Variants in DOCK8 observed in about 807,000 individuals in gnomAD.
DOCK8 encodes the protein dedicator of cytokinesis 8.
DOCK8 carries 141 observed loss-of-function variants against 245.6 expected under a neutral mutation model. The ratio of observed to expected loss-of-function variants is 0.57; its 90% CI spans 0.50 to 0.66. The LOEUF is 0.66. Ranked by LOEUF, DOCK8 falls within the 30% of genes least tolerant of loss-of-function variation. DOCK8 has a pLI of 0.00. For missense variants in DOCK8, 2,965 were observed against 2,603.4 expected (o/e 1.14, Z -3.02); for synonymous variants, 1,168 against 970.2 (o/e 1.20, Z -3.79).
rs189714000 is a variant in DOCK8 at position 426,240 on chromosome 9, C to A, written c.4242-645C>A. On this transcript the variant is annotated intron_variant, in intron 33 of 47. Transcript: ENST00000432829. ...CGAGCACCAGGCAATTTCCCATTCCCTAGTGGGCAATGACCAGTAATGTCC... is the reference window on the plus strand; with the variant it reads ...CGAGCACCAGGCAATTTCCCATTCCATAGTGGGCAATGACCAGTAATGTCC... 9.2e-5 allele frequency among the ~76,000 whole-genome samples: 14 copies of A among 152,318 alleles called. No individual in the cohort carries two copies. The East Asian group carries it at 2.7e-3, about 29-fold the overall frequency.
At chr9:272,769 A>G (rs935518413) in intron 2 of DOCK8, 6 of 152,128 alleles carry the variant, frequency 3.9e-5, no homozygotes, top group Admixed American at 3.9e-4. Context: ...GAGTGTGCCT[A>G]TATGTGTTAT....
At chr9:312,751 C>T in intron 6 of DOCK8, 2 of 324,530 alleles carry the variant, frequency 6.2e-6, no homozygotes, top group South Asian at 5.3e-5. Context: ...CCTGTGGTCA[C>T]TGCCTGAGGC....
intron 1 of DOCK8, among the ~76,000 whole-genome samples, chr9:264,125 C>T (rs2047983823): frequency 6.6e-6 from 1 of 152,208 alleles, no homozygotes. Context: ...TTTCTTTAAA[C>T]ACAAGACACT....
At chr9:405,194 C>G in intron 27 of DOCK8, 121 bp downstream of exon 27, 1 of 1,022,934 alleles carries the variant, frequency 9.8e-7, no homozygotes. Context: ...TCAAACAATT[C>G]AAACCAGATC....
chr9:446,573 C>G lies in DOCK8; in HGVS notation c.5784C>G (p.Ile1928Met). 1 of 1,614,194 alleles carries G rather than the reference C, an allele frequency of 6.2e-7. No homozygotes were observed. The highest frequency in any genetic ancestry group is 1.1e-5 in the South Asian group (1 of 91,086). ...VLTTMHAFPY[I>M]KTRISVIQKE... is the part of the protein sequence containing the mutation. ...CCACTATGCACGCCTTCCCCTACATCAAGACCAGGATCAGCGTCATCCAGA... is the reference window on the plus strand; with the variant it reads ...CCACTATGCACGCCTTCCCCTACATGAAGACCAGGATCAGCGTCATCCAGA... The change falls in exon 44 of 48, where the codon ATC (isoleucine) becomes ATG (methionine). Residue 1928 changes from isoleucine to methionine, a missense_variant. Coordinates refer to ENST00000432829, the MANE Select transcript of DOCK8 (RefSeq NM_203447.4).
intron 6 of DOCK8, among the ~76,000 whole-genome samples, chr9:313,199 A>G (rs1563911596): frequency 6.6e-6 from 1 of 152,234 alleles, no homozygotes; most frequent in Non-Finnish European, 1.5e-5. Flanking sequence ...CTCACCATCT[A>G]GCACCTTCCT....
intron 1 of DOCK8, among the ~76,000 whole-genome samples, chr9:227,028 A>G (rs2047004894): frequency 6.6e-6 from 1 of 152,222 alleles, no homozygotes. Context: ...GGAGAGAACC[A>G]GAAGGACATA....
At chr9:392,269 C>T (rs753065873) in intron 24 of DOCK8, among the ~76,000 whole-genome samples, 12 of 151,748 alleles carry the variant, frequency 7.9e-5, no homozygotes, top group Non-Finnish European at 1.6e-4. Flanking sequence ...GAACAAAGGG[C>T]AAAGGAAACA....
At chr9:448,387 T>C (rs1428446532) in intron 44 of DOCK8, among the ~76,000 whole-genome samples, 2 of 152,204 alleles carry the variant, frequency 1.3e-5, no homozygotes, top group Admixed American at 1.3e-4. Flanking sequence ...GGATTACAAG[T>C]GTGAGCCACT....
chr9:236,243 C>A (rs2047245281), intron 1 of DOCK8, among the ~76,000 whole-genome samples: 1 of 152,010 alleles, frequency 6.6e-6, no homozygotes, highest in Non-Finnish European at 1.5e-5. Context: ...GTATTGGAGA[C>A]AGGAAGAAGA....
intron 45 of DOCK8, 55 bp downstream of exon 45, chr9:449,982 T>C: frequency 6.3e-7 from 1 of 1,588,724 alleles, no homozygotes; most frequent in Middle Eastern, 2.0e-4. Flanking sequence ...AGGTTGTCAT[T>C]ATACGTCTGC....
intron 1 of DOCK8, among the ~76,000 whole-genome samples, chr9:218,934 A>T (rs2046823812): frequency 6.6e-6 from 1 of 152,184 alleles, no homozygotes. Flanking sequence ...CGTTTTACAG[A>T]TGGAGAAACT....
chr9:351,144 G>A lies in DOCK8; in HGVS notation c.1679+10823G>A, dbSNP rs969220330. Among the ~76,000 whole-genome samples, 5 of 152,154 alleles carry A rather than the reference G, an allele frequency of 3.3e-5. No homozygotes were observed. In the East Asian group the frequency reaches 7.7e-4, roughly 23 times the overall value. On this transcript the variant is annotated intron_variant, in intron 14 of 47. Coordinates refer to ENST00000432829, the MANE Select transcript of DOCK8 (RefSeq NM_203447.4). The stretch of plus-strand genomic sequence containing the variant: ...TCCTGATAGGTCCTGGTAGGGTCGG[G>A]GTTCCACCGGGATTTGCCTAGTATG...
chr9:306,955 C>G (rs1248893729), intron 5 of DOCK8, among the ~76,000 whole-genome samples: 1 of 152,152 alleles, frequency 6.6e-6, no homozygotes, highest in Admixed American at 6.5e-5. Context: ...ACTCACGCCT[C>G]ACAGGAGGAG....
intron 1 of DOCK8, among the ~76,000 whole-genome samples, chr9:260,579 A>G (rs1342665408): frequency 6.6e-6 from 1 of 152,214 alleles, no homozygotes; most frequent in East Asian, 1.9e-4. Context: ...CAATTCTAGG[A>G]CTTTATTCCA....
intron 41 of DOCK8, 21 bp downstream of exon 41, chr9:441,438 G>T (rs2057091183): frequency 6.2e-7 from 1 of 1,614,020 alleles, no homozygotes; most frequent in Non-Finnish European, 8.5e-7. Flanking sequence ...AGCCTGGCTG[G>T]CAGGTCTTGT....
At position 432,336 on chromosome 9, in the gene DOCK8, C is replaced by A. The variant is rs765167110; in HGVS notation, c.4785+12C>A. 3.1e-6 allele frequency: 5 copies of A among 1,613,876 alleles called. No homozygotes were observed. The Admixed American group carries it at 5.0e-5, about 16-fold the overall frequency. On this transcript the variant is annotated intron_variant, in intron 37 of 47. Coordinates refer to ENST00000432829, the MANE Select transcript of DOCK8 (RefSeq NM_203447.4). ...CTTTTCCCACCCAGGTACACCGAAG[C>A]ACATACCTTGTCTCATGCATGAGTT... is the stretch of plus-strand genomic sequence containing the variant.
upstream of DOCK8, chr9:214,857 C>G (rs757429478): frequency 6.2e-7 from 1 of 1,602,178 alleles, no homozygotes; most frequent in East Asian, 2.3e-5. Context: ...AAGTTTCCAG[C>G]GCCGACCGAC....
In DOCK8 at chr9:277,459, GAGA is replaced by G. The variant is rs1189979021; in HGVS notation, c.156+5734_156+5736del. ...AAGAGAAGAGAGGAGAAGAGAAAGA[GAGA>G]AGAGAAGAGAAGAGAAGAGAAGAGA... On this transcript the variant is annotated intron_variant, in intron 2 of 47. Coordinates refer to ENST00000432829, the MANE Select transcript of DOCK8 (RefSeq NM_203447.4). 6.9e-3 allele frequency among the ~76,000 whole-genome samples: 493 copies of G among 71,050 alleles called. 43 individuals are homozygous for G. The highest frequency in any genetic ancestry group is 0.022 in the African/African-American group (395 of 18,340). 46.6% of individuals were successfully genotyped at this position (71,050 alleles called of 152,430 possible). A position where few individuals can be genotyped will look rare whatever the true frequency, so the allele number is the denominator to read the frequency against.
Sources: allele counts gnomAD v4.1 joint callset (sites outside exome capture counted in the v4.1 genomes callset), GRCh38; gene constraint gnomAD v4.1.1; transcripts MANE v1.5; gene names NCBI Gene and HGNC (gene_info 2026-07-23, HGNC 2026-07-21).